The following PFDN2 variants were observed in gnomAD, a reference collection of about 807,000 sequenced individuals.
PFDN2 encodes the protein prefoldin subunit 2, also known as prefoldin 2.
A neutral mutation model predicts 18.3 loss-of-function variants in PFDN2; 7 were observed. That is an observed-to-expected ratio of 0.38 (90% CI 0.22 to 0.72). The LOEUF is 0.72. Ranked by LOEUF, PFDN2 falls within the 30% of genes least tolerant of loss-of-function variation. PFDN2 has a pLI of 0.47. For synonymous variants in PFDN2, 76 were observed against 75.0 expected, an observed-to-expected ratio of 1.01 and a Z score of -0.07; for missense variants, 181 against 199.1, an observed-to-expected ratio of 0.91 and a Z score of 0.55.
rs528682771 is a variant in PFDN2 at position 161,101,574 on chromosome 1, A to G, written c.288+474T>C. Among the ~76,000 whole-genome samples, 130 of 152,224 alleles carry G rather than the reference A, an allele frequency of 8.5e-4. 1 individual carries two copies. Among genetic ancestry groups the G allele is most frequent in the Non-Finnish European group, 1.3e-3 (86 of 68,040 alleles). ...AGTGGGTCTGGGAAGCTGCATTTATAAATTAGTCCTTCAGGTGATTTTGAT... is the reference window on the plus strand; with the variant it reads ...AGTGGGTCTGGGAAGCTGCATTTATGAATTAGTCCTTCAGGTGATTTTGAT... On this transcript the variant is annotated intron_variant, in intron 3 of 3. Transcript: ENST00000368010.
At chr1:161,104,420 CCTAT>C (rs1339832912) in intron 1 of PFDN2, among the ~76,000 whole-genome samples, 2 of 151,670 alleles carry the variant, frequency 1.3e-5, no homozygotes, top group African/African-American at 4.8e-5. Flanking sequence ...TTACTAGGGC[CCTAT>C]CTCTTTTTTT....
chr1:161,113,467 A>G (rs916621880), intron 1 of PFDN2, among the ~76,000 whole-genome samples: 4 of 152,202 alleles, frequency 2.6e-5, no homozygotes, highest in Non-Finnish European at 5.9e-5. Flanking sequence ...ACCTACTTCA[A>G]ATGGCAGTAA....
rs1050927348 is a variant in PFDN2 at position 161,103,994 on chromosome 1, T to C, written c.76-1619A>G. The stretch of plus-strand genomic sequence containing the variant: ...ACCTGAATCATTTTAAAAACATGAA[T>C]ACTGGACCCTCAGAACAACTACACA... On this transcript the variant is annotated intron_variant, in intron 1 of 3. Coordinates refer to ENST00000368010, the MANE Select transcript of PFDN2 (RefSeq NM_012394.4). Among the ~76,000 whole-genome samples the C allele has an allele frequency of 5.9e-5, 9 of 152,146 alleles. 1 individual carries two copies. The highest frequency in any genetic ancestry group is 5.2e-4 in the Admixed American group (8 of 15,266).
At chr1:161,105,322 C>T (rs1284956736) in intron 1 of PFDN2, among the ~76,000 whole-genome samples, 1 of 151,992 alleles carries the variant, frequency 6.6e-6, no homozygotes, top group Non-Finnish European at 1.5e-5. Context: ...CACCATGTTG[C>T]TCAGGCTGAT....
At position 161,100,568 on chromosome 1, in the gene PFDN2, C is replaced by G; in HGVS notation, c.*115G>C. 1.1e-6 allele frequency: 1 copy of G among 878,728 alleles called. No homozygotes were observed. The allele number at this position is 878,728 out of a possible 1,614,324, so 54.4% of individuals were successfully genotyped here. On this transcript the variant is annotated 3_prime_UTR_variant, in exon 4 of 4. Transcript: ENST00000368010. ...TTCAGGCTACAGCTAAGATTCTGAC[C>G]AAAACATTTAATTAACAAAAAAATA...
Position 161,100,575 on chromosome 1 carries a change from T to C in PFDN2, c.*108A>G. ...TACAGCTAAGATTCTGACCAAAACATTTAATTAACAAAAAAATATTACAAT... is the reference window on the plus strand; with the variant it reads ...TACAGCTAAGATTCTGACCAAAACACTTAATTAACAAAAAAATATTACAAT... On this transcript the variant is annotated 3_prime_UTR_variant, in exon 4 of 4. Transcript: ENST00000368010. 1.1e-6 allele frequency: 1 copy of C among 917,536 alleles called. No individual in the cohort carries two copies. Among genetic ancestry groups the C allele is most frequent in the Non-Finnish European group, 1.6e-6 (1 of 625,340 alleles). 56.8% of individuals were successfully genotyped at this position (917,536 alleles called of 1,614,324 possible).
intron 1 of PFDN2, among the ~76,000 whole-genome samples, chr1:161,109,572 C>G: frequency 6.6e-6 from 1 of 152,192 alleles, no homozygotes; most frequent in East Asian, 1.9e-4. Context: ...GGAACACCTA[C>G]TATATGCCAG....
At chr1:161,107,399 T>A (rs1206165526) in intron 1 of PFDN2, among the ~76,000 whole-genome samples, 1 of 125,738 alleles carries the variant, frequency 8.0e-6, no homozygotes, top group African/African-American at 3.1e-5. Context: ...CACTCCATCC[T>A]GGCTGACAGA....
Position 161,100,848 on chromosome 1 carries a change from G to T in PFDN2, c.300C>A (p.Ile100=). 1.2e-6 allele frequency: 2 copies of T among 1,612,520 alleles called. No individual in the cohort carries two copies. The highest frequency in any genetic ancestry group is 1.7e-6 in the Non-Finnish European group (2 of 1,178,658). Residue 100 remains isoleucine, a synonymous_variant, in exon 4 of 4, where the codon ATC becomes ATA. Transcript: ENST00000368010. ...GAAGCTGCTGTGTCAGTGTCTCAATGATCTTCTGTATCTAGAGGACAAGTG... is the reference window on the plus strand; with the variant it reads ...GAAGCTGCTGTGTCAGTGTCTCAATTATCTTCTGTATCTAGAGGACAAGTG... ...LENNKEQIQK[I]IETLTQQLQA... is the part of the protein sequence containing the mutation.
Position 161,100,779 on chromosome 1 carries a change from G to A in PFDN2, c.369C>T (p.Asn123=), listed in dbSNP as rs1654537999. The A allele has an allele frequency of 6.2e-7, 1 of 1,613,836 alleles. No individual in the cohort carries two copies. The highest frequency in any genetic ancestry group is 8.5e-7 in the Non-Finnish European group (1 of 1,179,806). The stretch of plus-strand genomic sequence containing the variant: ...TCTCATCTTCTCCCATGAGACGAAT[G>A]TTGTGCTTTTCCCGGAATTCATTTA... ...KELNEFREKH[N]IRLMGEDEKP... The change falls in exon 4 of 4, where the codon AAC becomes AAT. Residue 123 remains asparagine (N), a synonymous_variant. Transcript: ENST00000368010.
chr1:161,117,984 C>CT lies in PFDN2; in HGVS notation c.42_43insA (p.Gly15ArgfsTer32). Reference sequence around the variant, plus strand: ...GCGGACACCGCCCCCTTCCCCGCGCCGCTCCCGCTGCTCTTGCCGGCGCGA... The same window carrying CT: ...GCGGACACCGCCCCCTTCCCCGCGCCTGCTCCCGCTGCTCTTGCCGGCGCGA... On this transcript the variant is annotated frameshift_variant, in exon 1 of 4. Coordinates refer to ENST00000368010, the MANE Select transcript of PFDN2 (RefSeq NM_012394.4). LOFTEE classifies it high-confidence loss of function. 1 of 1,612,882 alleles carries CT rather than the reference C, an allele frequency of 6.2e-7. No homozygotes were observed. Among genetic ancestry groups the CT allele is most frequent in the Non-Finnish European group, 8.5e-7 (1 of 1,179,550 alleles).
At chr1:161,116,732 G>T (rs1312619910) in intron 1 of PFDN2, among the ~76,000 whole-genome samples, 1 of 148,768 alleles carries the variant, frequency 6.7e-6, no homozygotes, top group Non-Finnish European at 1.5e-5. Flanking sequence ...GGGCGTGGTG[G>T]TGCGGGCATG....
chr1:161,106,395 T>C (rs1654677458), intron 1 of PFDN2, among the ~76,000 whole-genome samples: 1 of 152,190 alleles, frequency 6.6e-6, no homozygotes, highest in African/African-American at 2.4e-5. Context: ...TAAGCCAATA[T>C]TAAGCCATTT....
At chr1:161,111,301 TG>T (rs1654804799) in intron 1 of PFDN2, among the ~76,000 whole-genome samples, 1 of 152,196 alleles carries the variant, frequency 6.6e-6, no homozygotes, top group South Asian at 2.1e-4. Flanking sequence ...ATCCCAGTTT[TG>T]CCATTTACTT....
intron 1 of PFDN2, among the ~76,000 whole-genome samples, chr1:161,109,996 G>A (rs866398378): frequency 6.6e-6 from 1 of 151,738 alleles, no homozygotes; most frequent in Middle Eastern, 3.4e-3. Flanking sequence ...GGAAGTTGCA[G>A]TGAACCCAGA....
rs752041833 is a variant in PFDN2, at chr1:161,118,018, C to T, written c.9G>A (p.Glu3=). 14 of 1,611,714 alleles carry T rather than the reference C, an allele frequency of 8.7e-6. No homozygotes were observed. The Admixed American group carries it at 2.2e-4, about 25-fold the overall frequency. MA[E]NSGRAGKSSG... is the part of the protein sequence containing the mutation. ...TGCTCTTGCCGGCGCGACCGCTGTT[C>T]TCCGCCATCTTCGCCGCCTGCTGGG... Residue 3 remains glutamate, a synonymous_variant, in exon 1 of 4, where the codon GAG becomes GAA. Coordinates refer to ENST00000368010, the MANE Select transcript of PFDN2 (RefSeq NM_012394.4).
intron 1 of PFDN2, among the ~76,000 whole-genome samples, chr1:161,117,737 A>T (rs573877988): frequency 6.6e-6 from 1 of 152,306 alleles, no homozygotes; most frequent in East Asian, 1.9e-4. Context: ...CCCCTTGCTC[A>T]GGCTCACCCA....
At chr1:161,103,751 C>A (rs1273592113) in intron 1 of PFDN2, among the ~76,000 whole-genome samples, 2 of 141,072 alleles carry the variant, frequency 1.4e-5, no homozygotes, top group South Asian at 2.3e-4. Flanking sequence ...AGCCTATAAA[C>A]CCTAACTGAT....
chr1:161,101,997 T>G, intron 3 of PFDN2, 51 bp downstream of exon 3: 1 of 1,606,296 alleles, frequency 6.2e-7, no homozygotes, highest in Non-Finnish European at 8.5e-7. Flanking sequence ...CCTCCCAAAG[T>G]GCTGGGTTTA....
Sources: gnomAD v4.1 joint callset for allele counts (sites outside exome capture counted in the v4.1 genomes callset) on GRCh38, gnomAD v4.1.1 for gene constraint, MANE v1.5 for transcripts, NCBI Gene and HGNC (gene_info 2026-07-23, HGNC 2026-07-21) for gene names.